Variants in ITGBL1 observed in about 807,000 individuals in gnomAD.
ITGBL1 encodes integrin beta-like protein 1.
Under a neutral mutation model 68.5 loss-of-function variants are expected in ITGBL1, and 51 were observed. The ratio of observed to expected loss-of-function variants is 0.74; its 90% CI spans 0.59 to 0.94. The LOEUF (loss-of-function observed/expected upper bound fraction) is 0.94, where lower values mean the gene tolerates loss of function less well. Ranked by LOEUF, ITGBL1 falls within the 40% of genes least tolerant of loss-of-function variation. The pLI, the probability that ITGBL1 is intolerant of heterozygous loss-of-function variation, is 0.00. For missense variants in ITGBL1, 649 were observed against 647.4 expected, an observed-to-expected ratio of 1.00 and a Z score of -0.03; for synonymous variants, 209 against 227.3, an observed-to-expected ratio of 0.92 and a Z score of 0.72.
intron 2 of ITGBL1, among the ~76,000 whole-genome samples, chr13:101,555,103 A>G (rs369059721): frequency 3.9e-5 from 6 of 152,338 alleles, no homozygotes; most frequent in Admixed American, 3.3e-4. Context: ...GTGAAATATT[A>G]TCATAAAGTA....
chr13:101,500,923 T>C (rs376327563), intron 2 of ITGBL1, among the ~76,000 whole-genome samples: 7 of 152,300 alleles, frequency 4.6e-5, no homozygotes, highest in Admixed American at 3.9e-4. Context: ...CCCAACTTCA[T>C]TACCTAGCTG....
At chr13:101,653,888 T>A (rs2032839814) in intron 7 of ITGBL1, among the ~76,000 whole-genome samples, 1 of 146,422 alleles carries the variant, frequency 6.8e-6, no homozygotes, top group East Asian at 2.0e-4. Flanking sequence ...TTTTTTGTAT[T>A]TTTAGTAGAG....
chr13:101,705,669 A>T (rs2034246958), intron 8 of ITGBL1, among the ~76,000 whole-genome samples: 1 of 152,196 alleles, frequency 6.6e-6, no homozygotes, highest in African/African-American at 2.4e-5. Context: ...AGCATTGGTT[A>T]CTCATCCTCC....
chr13:101,664,923 G>A (rs990263750), intron 7 of ITGBL1, among the ~76,000 whole-genome samples: 1 of 152,164 alleles, frequency 6.6e-6, no homozygotes, highest in African/African-American at 2.4e-5. Flanking sequence ...TAGTAGAGAT[G>A]ATGTTTCGCC....
Position 101,583,335 on chromosome 13 carries a change from T to C in ITGBL1, c.847T>C (p.Tyr283His). Residue 283 changes from tyrosine (Y) to histidine (H), a missense_variant, in exon 6 of 11, where the codon TAT becomes CAT. Coordinates refer to ENST00000376180, the MANE Select transcript of ITGBL1 (RefSeq NM_004791.3). ...GGACTGTAGAGCTGTCTATGACCGA[T>C]ATTCTGATGACTTCTGTTCAGGTAA... ...ERDCRAVYDR[Y>H]SDDFCSGHGQ... is the part of the protein sequence containing the mutation. 4 of 1,594,434 alleles carry C rather than the reference T, an allele frequency of 2.5e-6. No homozygotes were observed. The highest frequency in any genetic ancestry group is 1.1e-5 in the South Asian group (1 of 88,044).
At chr13:101,567,601 T>G (rs2050202163) in intron 2 of ITGBL1, 98 bp from the exon 3 acceptor site, 1 of 1,118,352 alleles carries the variant, frequency 8.9e-7, no homozygotes, top group African/African-American at 1.6e-5. Context: ...TTATTATAGC[T>G]CAGTCCCAAA....
intron 7 of ITGBL1, among the ~76,000 whole-genome samples, chr13:101,649,543 G>A (rs533039147): frequency 5.3e-5 from 8 of 152,160 alleles, no homozygotes; most frequent in South Asian, 2.1e-4. Flanking sequence ...AGGGACCTGC[G>A]GATGATATTT....
At chr13:101,454,667 A>G (rs2048217324) in intron 2 of ITGBL1, among the ~76,000 whole-genome samples, 1 of 152,216 alleles carries the variant, frequency 6.6e-6, no homozygotes, top group Non-Finnish European at 1.5e-5. Flanking sequence ...CATAGGAAAC[A>G]GTGGGAGGGG....
At chr13:101,503,580 C>CT (rs2139091075) in intron 2 of ITGBL1, among the ~76,000 whole-genome samples, 2 of 152,238 alleles carry the variant, frequency 1.3e-5, no homozygotes, top group South Asian at 4.1e-4. Context: ...AGAAGTGACA[C>CT]TAGTGGGCAC....
intron 2 of ITGBL1, among the ~76,000 whole-genome samples, chr13:101,525,421 T>C (rs912273894): frequency 9.2e-5 from 14 of 151,546 alleles, no homozygotes; most frequent in Non-Finnish European, 2.1e-4. Context: ...TCACCTTGTC[T>C]ATTGCAACTA....
chr13:101,627,568 C>A (rs2031829728), intron 7 of ITGBL1, among the ~76,000 whole-genome samples: 1 of 152,014 alleles, frequency 6.6e-6, no homozygotes, highest in Non-Finnish European at 1.5e-5. Flanking sequence ...ATGACAGTAA[C>A]ATATAGAGTA....
intron 7 of ITGBL1, among the ~76,000 whole-genome samples, chr13:101,605,685 T>C (rs536979292): frequency 1.3e-5 from 2 of 151,812 alleles, no homozygotes; most frequent in Admixed American, 6.6e-5. Flanking sequence ...TGTTTATGCG[T>C]ATACACGTAT....
chr13:101,468,379 A>G (rs2048412230), intron 2 of ITGBL1, among the ~76,000 whole-genome samples: 1 of 152,226 alleles, frequency 6.6e-6, no homozygotes. Context: ...GTATCTACCT[A>G]TATTTGAGTA....
intron 2 of ITGBL1, among the ~76,000 whole-genome samples, chr13:101,476,035 AACAG>A (rs1271805769): frequency 6.6e-6 from 1 of 152,186 alleles, no homozygotes; most frequent in Non-Finnish European, 1.5e-5. Flanking sequence ...ATAGTAAGTA[AACAG>A]ACAAATACAG....
At chr13:101,494,157 G>T (rs1594845276) in intron 2 of ITGBL1, among the ~76,000 whole-genome samples, 1 of 152,198 alleles carries the variant, frequency 6.6e-6, no homozygotes, top group African/African-American at 2.4e-5. Flanking sequence ...AGCAAACAGG[G>T]GATTTAGAGG....
chr13:101,572,033 G>A (rs1329786271), intron 3 of ITGBL1, among the ~76,000 whole-genome samples: 1 of 152,026 alleles, frequency 6.6e-6, no homozygotes, highest in Non-Finnish European at 1.5e-5. Context: ...AAATGCAATT[G>A]GCCAAAAGAT....
chr13:101,528,435 C>G lies in ITGBL1; in HGVS notation c.317-39264C>G, dbSNP rs1373193536. ...TCTTTCCAAGAAGTCAGCTTTTGGC[C>G]TCATTGATTTTTCTCTATAGTTTGT... On this transcript the variant is annotated intron_variant, in intron 2 of 10. Transcript: ENST00000376180. 2.6e-5 allele frequency among the ~76,000 whole-genome samples: 4 copies of G among 151,670 alleles called. No homozygotes were observed. In the South Asian group the frequency reaches 8.3e-4, roughly 32 times the overall value.
At chr13:101,672,734 A>G (rs988501272) in intron 7 of ITGBL1, among the ~76,000 whole-genome samples, 1 of 152,314 alleles carries the variant, frequency 6.6e-6, no homozygotes, top group East Asian at 1.9e-4. Flanking sequence ...GGCAAGAGAC[A>G]GACAGAGACG....
intron 2 of ITGBL1, among the ~76,000 whole-genome samples, chr13:101,522,860 G>A (rs1594863729): frequency 6.6e-6 from 1 of 152,158 alleles, no homozygotes; most frequent in Non-Finnish European, 1.5e-5. Flanking sequence ...AGCGCAGAGA[G>A]TAGGAATGGA....
Sources: allele counts gnomAD v4.1 joint callset (sites outside exome capture counted in the v4.1 genomes callset), GRCh38; gene constraint gnomAD v4.1.1; transcripts MANE v1.5; gene names NCBI Gene and HGNC (gene_info 2026-07-23, HGNC 2026-07-21).